Variants in CREB3L3 observed in about 807,000 individuals in gnomAD.
CREB3L3 encodes cAMP responsive element binding protein 3 like 3, also known as cyclic AMP-responsive element-binding protein 3-like protein 3.
A neutral mutation model predicts 44.6 loss-of-function variants in CREB3L3; 40 were observed. That is an observed-to-expected ratio of 0.90 (90% confidence interval 0.70 to 1.17). The LOEUF is 1.17. Among genes scored for constraint, CREB3L3 ranks in the 50% most tolerant of loss-of-function variants. The pLI is 0.00. For synonymous variants in CREB3L3, 273 were observed against 256.3 expected, an observed-to-expected ratio of 1.06 and a Z score of -0.62; for missense variants, 578 against 595.8, an observed-to-expected ratio of 0.97 and a Z score of 0.31.
At chr19:4,159,855 C>G (rs946001878) in intron 4 of CREB3L3, 73 bp downstream of exon 4, 2 of 785,294 alleles carry the variant, frequency 2.5e-6, no homozygotes. Flanking sequence ...GCCTAAATAT[C>G]CCCGTTTCAG....
chr19:4,154,992 G>T lies in CREB3L3; in HGVS notation c.121G>T (p.Glu41Ter). 6.2e-7 allele frequency: 1 copy of T among 1,611,702 alleles called. No individual in the cohort carries two copies. ...DRQDGILRHV[E>*]LGEGWGHVKD... ...GCAGGACGGCATCCTGAGACACGTG[G>T]AGCTGGGCGAGGGCTGGGGTCACGT... Residue 41 changes from glutamate to a stop codon, truncating the protein, a stop_gained, in exon 2 of 10, where the codon GAG (glutamate) becomes TAG (stop). Coordinates refer to ENST00000078445, the MANE Select transcript of CREB3L3 (RefSeq NM_032607.3). LOFTEE classifies it high-confidence loss of function.
At chr19:4,159,232 C>T (rs968989899) in intron 3 of CREB3L3, among the ~76,000 whole-genome samples, 11 of 151,608 alleles carry the variant, frequency 7.3e-5, no homozygotes, top group African/African-American at 1.7e-4. Context: ...CTCACTGTAA[C>T]GTCCACCACC....
chr19:4,162,912 G>A (rs1420183004), intron 4 of CREB3L3, among the ~76,000 whole-genome samples: 1 of 152,184 alleles, frequency 6.6e-6, no homozygotes, highest in Non-Finnish European at 1.5e-5. Context: ...GGGAGGCGGA[G>A]GTTGCAGTGA....
chr19:4,157,789 A>T (rs1395996699), intron 3 of CREB3L3, among the ~76,000 whole-genome samples: 1 of 151,980 alleles, frequency 6.6e-6, no homozygotes, highest in Non-Finnish European at 1.5e-5. Context: ...AGGTTCAAGC[A>T]ATTCACCTGC....
At chr19:4,168,806 A>C (rs1324662212) in intron 6 of CREB3L3, among the ~76,000 whole-genome samples, 1 of 152,076 alleles carries the variant, frequency 6.6e-6, no homozygotes, top group African/African-American at 2.4e-5. Flanking sequence ...ATCTTGGCTC[A>C]CTGCAACCTC....
chr19:4,170,236 G>A (rs1967013558), intron 7 of CREB3L3, 28 bp downstream of exon 7: 4 of 1,609,858 alleles, frequency 2.5e-6, no homozygotes, highest in Admixed American at 3.3e-5. Context: ...TGGGGCAGAG[G>A]ACAGGGGAAG....
At chr19:4,168,183 G>C (rs1329608611) in intron 5 of CREB3L3, among the ~76,000 whole-genome samples, 168 bp from the exon 6 acceptor site, 1 of 151,854 alleles carries the variant, frequency 6.6e-6, no homozygotes, top group African/African-American at 2.4e-5. Flanking sequence ...ATTTTTAGTA[G>C]AGACGGTGTT....
chr19:4,160,974 T>C (rs350865), intron 4 of CREB3L3, among the ~76,000 whole-genome samples: 22,405 of 45,542 alleles, frequency 0.49, 8,819 homozygotes, highest in East Asian at 0.9. Context: ...TGCAGTGGCG[T>C]GATCTCGGCT....
chr19:4,159,791 C>A lies in CREB3L3; in HGVS notation c.576+9C>A, dbSNP rs1357234824. On this transcript the variant is annotated intron_variant, in intron 4 of 9. Transcript: ENST00000078445. ...GCAGCAGTGGGGACCTGGTGAGCAC[C>A]CCCACACCCTCCCATGGGGCGTTGG... is the stretch of plus-strand genomic sequence containing the variant. 9 of 1,187,150 alleles carry A rather than the reference C, an allele frequency of 7.6e-6. No individual in the cohort carries two copies. The Admixed American group carries it at 1.5e-4, about 20-fold the overall frequency. The allele number at this position is 1,187,150 out of a possible 1,614,324, so 73.5% of individuals were successfully genotyped here.
rs1251096776 is a variant in CREB3L3, at chr19:4,171,458, G to C, written c.1051G>C (p.Gly351Arg). ...PFGPNKTESPGDFAPVRVFSR... is the reference protein window; with the variant it reads ...PFGPNKTESPRDFAPVRVFSR... ...TGGCCCCAACAAAACCGAGAGCCCT[G>C]GGGACTTTGCGCCTGTACGAGGTAG... is the stretch of plus-strand genomic sequence containing the variant. Residue 351 changes from glycine (G) to arginine (R), a missense_variant, in exon 9 of 10, where the codon GGG (glycine) becomes CGG (arginine). By Grantham distance (125) the Gly-to-Arg change is moderately radical. Transcript: ENST00000078445. The surrounding 1 kb of genome is among the most constrained non-coding windows in gnomAD (Gnocchi z 4.9). 6.2e-7 allele frequency: 1 copy of C among 1,614,056 alleles called. No homozygotes were observed. Among genetic ancestry groups the C allele is most frequent in the Middle Eastern group, 1.6e-4 (1 of 6,062 alleles).
rs368175949 is a variant in CREB3L3, at chr19:4,171,021, C to T, written c.891-70C>T. On this transcript the variant is annotated intron_variant, in intron 7 of 9. Transcript: ENST00000078445. This position sits in a 1 kb window ranked among gnomAD's most constrained non-coding sequence, Gnocchi z 4.9. Reference sequence around the variant, plus strand: ...TTTGGACTTTAGCGGGGCTGGGGGACCCCGGAAATGGACGAGAAGCAGAAC... The same window carrying T: ...TTTGGACTTTAGCGGGGCTGGGGGATCCCGGAAATGGACGAGAAGCAGAAC... 1 of 1,205,040 alleles carries T rather than the reference C, an allele frequency of 8.3e-7. No homozygotes were observed. The highest frequency in any genetic ancestry group is 1.2e-6 in the Non-Finnish European group (1 of 806,616). 74.6% of individuals were successfully genotyped at this position (1,205,040 alleles called of 1,614,324 possible).
chr19:4,167,517 AGAGAAAGG>A (rs1966941675), intron 5 of CREB3L3, among the ~76,000 whole-genome samples: 1 of 132,316 alleles, frequency 7.6e-6, no homozygotes, highest in Non-Finnish European at 1.6e-5. Context: ...AGAGAGAAAG[AGAGAAAGG>A]GAGAAAGGAA....
chr19:4,171,289 T>C lies in CREB3L3; in HGVS notation c.976-94T>C. 2 of 1,455,642 alleles carry C rather than the reference T, an allele frequency of 1.4e-6. No individual in the cohort carries two copies. The highest frequency in any genetic ancestry group is 9.6e-7 in the Non-Finnish European group (1 of 1,040,908). The allele number at this position is 1,455,642 out of a possible 1,614,324, so 90.2% of individuals were successfully genotyped here. ...GTGCCCCAGCTCAAGTATGATCCAGTCTGGTCTTTGGGGCCTCAGTTTCCC... is the reference window on the plus strand; with the variant it reads ...GTGCCCCAGCTCAAGTATGATCCAGCCTGGTCTTTGGGGCCTCAGTTTCCC... On this transcript the variant is annotated intron_variant, in intron 8 of 9. Transcript: ENST00000078445. The surrounding 1 kb of genome is among the most constrained non-coding windows in gnomAD (Gnocchi z 4.9).
intron 1 of CREB3L3, 101 bp from the exon 2 acceptor site, chr19:4,154,798 G>A (rs1372930710): frequency 6.4e-7 from 1 of 1,567,258 alleles, no homozygotes; most frequent in Non-Finnish European, 8.7e-7. Context: ...AGGCAGAGCG[G>A]CAACTGAACT....
chr19:4,168,889 C>T (rs1204959925), intron 6 of CREB3L3, among the ~76,000 whole-genome samples: 5 of 152,124 alleles, frequency 3.3e-5, no homozygotes, highest in Non-Finnish European at 7.4e-5. Flanking sequence ...ATGGCCACCA[C>T]GCCCAGCTAA....
chr19:4,155,228 A>AG (rs1237649587), intron 2 of CREB3L3, among the ~76,000 whole-genome samples: 1 of 152,196 alleles, frequency 6.6e-6, no homozygotes, highest in South Asian at 2.1e-4. Context: ...TGGGGAATGG[A>AG]GGCCCAGAGC....
At chr19:4,164,196 A>G (rs368687938) in intron 4 of CREB3L3, among the ~76,000 whole-genome samples, 39 of 151,646 alleles carry the variant, frequency 2.6e-4, no homozygotes, top group African/African-American at 9.4e-4. Flanking sequence ...GATGGTCTCA[A>G]ACTCCTGACC....
At chr19:4,166,911 T>C (rs895984987) in intron 5 of CREB3L3, among the ~76,000 whole-genome samples, 2 of 151,946 alleles carry the variant, frequency 1.3e-5, no homozygotes, top group Non-Finnish European at 2.9e-5. Context: ...TTTGTTTTAG[T>C]AGAGACAGGG....
chr19:4,167,494 A>AAGAAAG (rs1966939830), intron 5 of CREB3L3, among the ~76,000 whole-genome samples: 1 of 129,602 alleles, frequency 7.7e-6, no homozygotes, highest in Non-Finnish European at 1.5e-5. Context: ...GAAAGAGAGA[A>AAGAAAG]AGAGAAAGAG....
Sources: allele counts gnomAD v4.1 joint callset (sites outside exome capture counted in the v4.1 genomes callset), GRCh38; gene constraint gnomAD v4.1.1; non-coding constraint Gnocchi (gnomAD v3.1); transcripts MANE v1.5; gene names NCBI Gene and HGNC (gene_info 2026-07-23, HGNC 2026-07-21).